LCOR: variants seen among roughly 807,000 people sequenced by gnomAD.
LCOR encodes ligand dependent nuclear receptor corepressor.
In LCOR, 14 loss-of-function variants were observed where a neutral mutation model predicts 64.4. The ratio of observed to expected loss-of-function variants is 0.22; its 90% CI spans 0.14 to 0.34. LCOR has a LOEUF of 0.34. LCOR is among the 10% of genes least tolerant of loss of function. The pLI is 1.00. For synonymous variants in LCOR, 643 were observed against 642.5 expected (o/e 1.00, Z -0.01); for missense variants, 1,686 against 1,765.3 (o/e 0.96, Z 0.80).
chr10:96,849,463 G>A (rs1033408971), intron 2 of LCOR, among the ~76,000 whole-genome samples: 1 of 152,134 alleles, frequency 6.6e-6, no homozygotes, highest in Non-Finnish European at 1.5e-5. Context: ...GCCCGCCTCG[G>A]CCTCCCGAAG....
rs756573129 is a variant in LCOR at position 96,984,978 on chromosome 10, G to A, written c.4518G>A (p.Arg1506=). 4 of 1,614,166 alleles carry A rather than the reference G, an allele frequency of 2.5e-6. No individual in the cohort carries two copies. Among genetic ancestry groups the A allele is most frequent in the Non-Finnish European group, 3.4e-6 (4 of 1,180,036 alleles). The change falls in exon 8 of 8, where the codon AGG becomes AGA. Residue 1506 remains arginine (R), a synonymous_variant. Transcript: ENST00000421806. Reference sequence around the variant, plus strand: ...AGGGGGCCGGTGAATCCTCTTCAAGGCCTCAGAAAGCCACGAATAGGAAGC... The same window carrying A: ...AGGGGGCCGGTGAATCCTCTTCAAGACCTCAGAAAGCCACGAATAGGAAGC... ...KQKGAGESSS[R]PQKATNRKQS...
At chr10:96,865,530 T>TTA (rs1845956241) in intron 2 of LCOR, among the ~76,000 whole-genome samples, 1 of 147,588 alleles carries the variant, frequency 6.8e-6, no homozygotes, top group African/African-American at 2.4e-5. Flanking sequence ...AAATGTACAG[T>TTA]AGTTATGACA....
At chr10:96,877,597 AAT>A (rs1846190044) in intron 2 of LCOR, among the ~76,000 whole-genome samples, 4 of 103,814 alleles carry the variant, frequency 3.9e-5, no homozygotes, top group African/African-American at 1.1e-4. Flanking sequence ...CATTTTTCTG[AAT>A]TTTTTTTTTT....
chr10:96,993,032 A>G lies in LCOR; in HGVS notation c.*7898A>G, dbSNP rs1316727777. 6.6e-6 allele frequency: 1 copy of G among 152,248 alleles called. No homozygotes were observed. Among genetic ancestry groups the G allele is most frequent in the Non-Finnish European group, 1.5e-5 (1 of 68,082 alleles). The allele number at this position is 152,248 out of a possible 1,614,324, so 9.4% of individuals were successfully genotyped here. A position where few individuals can be genotyped will look rare whatever the true frequency, so the allele number is the denominator to read the frequency against. The stretch of plus-strand genomic sequence containing the variant: ...ATACCATCTGTTCTAAGATGTGGTC[A>G]GCTTTACTTCTCAGGAGTCCTGTCC... On this transcript the variant is annotated 3_prime_UTR_variant, in exon 8 of 8. Coordinates refer to ENST00000421806, the MANE Select transcript of LCOR (RefSeq NM_001346516.2).
At chr10:96,975,111 C>T (rs564358787) in intron 7 of LCOR, among the ~76,000 whole-genome samples, 27 of 152,318 alleles carry the variant, frequency 1.8e-4, no homozygotes, top group Admixed American at 1.8e-3. Context: ...GTGGCGGTTG[C>T]CGTGAGCCAA....
intron 7 of LCOR, chr10:96,963,788 T>G (rs763013662): frequency 6.6e-6 from 1 of 152,240 alleles, no homozygotes; most frequent in East Asian, 1.9e-4. Flanking sequence ...GTTAACAAAA[T>G]AGATTATTTC....
At chr10:96,915,044 G>C (rs1008207731) in intron 4 of LCOR, among the ~76,000 whole-genome samples, 2 of 152,166 alleles carry the variant, frequency 1.3e-5, no homozygotes, top group African/African-American at 4.8e-5. Flanking sequence ...TGGTGCCCAC[G>C]TGTATCAAAG....
At chr10:96,908,891 A>G (rs1370291092) in intron 4 of LCOR, among the ~76,000 whole-genome samples, 3 of 151,392 alleles carry the variant, frequency 2.0e-5, no homozygotes, top group Non-Finnish European at 2.9e-5. Context: ...AATTTTTTGT[A>G]TTTTTAGTAG....
chr10:96,916,587 C>CTATATATATA (rs71976703), intron 4 of LCOR, among the ~76,000 whole-genome samples: 1,794 of 137,742 alleles, frequency 0.013, 20 homozygotes, highest in East Asian at 0.044. Context: ...TATTTAAAGG[C>CTATATATATA]TATATATATA....
intron 2 of LCOR, among the ~76,000 whole-genome samples, chr10:96,870,487 T>G (rs1264380468): frequency 1.3e-5 from 2 of 152,246 alleles, no homozygotes; most frequent in Non-Finnish European, 2.9e-5. Context: ...AGATTTCTCA[T>G]GTGTTGTCAA....
intron 7 of LCOR, chr10:96,957,119 T>G: frequency 1.0e-6 from 1 of 985,216 alleles, no homozygotes; most frequent in Non-Finnish European, 1.2e-6. Context: ...GGAATTCCTT[T>G]TTTAACTGAT....
At chr10:96,966,025 GA>G (rs1003176658) in intron 7 of LCOR, among the ~76,000 whole-genome samples, 4 of 151,934 alleles carry the variant, frequency 2.6e-5, no homozygotes, top group African/African-American at 7.2e-5. Context: ...CCTATTTAAA[GA>G]AAGGACTTTT....
intron 4 of LCOR, among the ~76,000 whole-genome samples, chr10:96,920,672 A>ATG (rs1026685653): frequency 5.5e-5 from 8 of 144,270 alleles, no homozygotes; most frequent in East Asian, 2.0e-4. Context: ...GTATATATGT[A>ATG]TATATTCATA....
chr10:96,836,580 C>CG (rs1193577013), intron 2 of LCOR, among the ~76,000 whole-genome samples: 1 of 152,106 alleles, frequency 6.6e-6, no homozygotes, highest in African/African-American at 2.4e-5. Flanking sequence ...GTAATGTAAT[C>CG]GATCAGTTAT....
At position 96,990,984 on chromosome 10, in the gene LCOR, G is replaced by A. The variant is rs1356332229; in HGVS notation, c.*5850G>A. 6.8e-6 allele frequency: 1 copy of A among 146,134 alleles called. No homozygotes were observed. Among genetic ancestry groups the A allele is most frequent in the African/African-American group, 2.6e-5 (1 of 38,990 alleles). The allele number at this position is 146,134 out of a possible 1,614,324, so 9.1% of individuals were successfully genotyped here. On this transcript the variant is annotated 3_prime_UTR_variant, in exon 8 of 8. Transcript: ENST00000421806. Reference sequence around the variant, plus strand: ...ATGGTATTACAATATGCCAGGGGTTGGACAAATGGATTTTTTACCCTTTTT... The same window carrying A: ...ATGGTATTACAATATGCCAGGGGTTAGACAAATGGATTTTTTACCCTTTTT...
chr10:96,943,726 C>CA (rs201441895), intron 4 of LCOR, among the ~76,000 whole-genome samples: 6 of 146,196 alleles, frequency 4.1e-5, no homozygotes, highest in East Asian at 2.0e-4. Context: ...ATTTGGAATT[C>CA]AAAAAAAATT....
chr10:96,934,960 A>C (rs1173565108), intron 4 of LCOR, among the ~76,000 whole-genome samples: 1 of 152,108 alleles, frequency 6.6e-6, no homozygotes, highest in African/African-American at 2.4e-5. Flanking sequence ...TTTAATAATA[A>C]ATATTCCTAA....
intron 4 of LCOR, chr10:96,915,935 A>C: frequency 2.6e-6 from 1 of 380,688 alleles, no homozygotes; most frequent in South Asian, 2.3e-5. Context: ...TGTAGGTGCT[A>C]GGCGCAGGAT....
chr10:96,932,636 G>A (rs543539827), intron 4 of LCOR, among the ~76,000 whole-genome samples: 5 of 152,028 alleles, frequency 3.3e-5, no homozygotes, highest in Admixed American at 2.6e-4. Flanking sequence ...GCTAATTTTT[G>A]TATTTTTAGT....
Sources: allele counts gnomAD v4.1 joint callset (sites outside exome capture counted in the v4.1 genomes callset), GRCh38; gene constraint gnomAD v4.1.1; transcripts MANE v1.5; gene names NCBI Gene and HGNC (gene_info 2026-07-23, HGNC 2026-07-21).